The following GRIP2 variants were observed in gnomAD, a reference collection of about 807,000 sequenced individuals.
The protein encoded by GRIP2 is glutamate receptor interacting protein 2, also known as glutamate receptor-interacting protein 2.
A neutral mutation model predicts 108.3 loss-of-function variants in GRIP2; 58 were observed. That is an observed-to-expected ratio of 0.54 (90% CI 0.43 to 0.67). GRIP2 has a LOEUF of 0.67. Among genes scored for constraint, GRIP2 ranks in the 30% least tolerant of loss-of-function variants. The pLI is 0.00. For synonymous variants in GRIP2, 586 were observed against 598.2 expected, an observed-to-expected ratio of 0.98 and a Z score of 0.30; for missense variants, 1,278 against 1,430.6, an observed-to-expected ratio of 0.89 and a Z score of 1.72.
chr3:14,522,622 A>G lies in GRIP2; in HGVS notation c.566+378T>C, dbSNP rs1301138656. The G allele has an allele frequency of 3.5e-5, 7 of 200,930 alleles. No homozygotes were observed. Among genetic ancestry groups the G allele is most frequent in the African/African-American group, 9.4e-5 (4 of 42,412 alleles). The allele number at this position is 200,930 out of a possible 1,614,324, so 12.4% of individuals were successfully genotyped here. ...CTGGGTCGATCAGCCAGGACCCAGG[A>G]GACTGAGTCACAGACGGCTACAGCA... On this transcript the variant is annotated intron_variant, in intron 6 of 23. Coordinates refer to ENST00000621039, the MANE Select transcript of GRIP2 (RefSeq NM_001080423.4). The surrounding 1 kb of genome is among the most constrained non-coding windows in gnomAD (Gnocchi z 4.3).
the GRIP2 span, among the ~76,000 whole-genome samples, chr3:14,601,845 C>A: frequency 6.6e-6 from 1 of 152,192 alleles, no homozygotes; most frequent in African/African-American, 2.4e-5. Context: ...GGGGGGCAGA[C>A]TGGAAGAAGG....
upstream of GRIP2, among the ~76,000 whole-genome samples, chr3:14,546,039 G>T (rs985858159): frequency 3.2e-4 from 49 of 152,338 alleles, no homozygotes; most frequent in Admixed American, 1.2e-3. Flanking sequence ...AGAATACAAG[G>T]CAGGTGGTCA....
chr3:14,540,476 G>A (rs995570590), upstream of GRIP2: 2 of 1,486,940 alleles, frequency 1.3e-6, no homozygotes, highest in Non-Finnish European at 1.8e-6. This position sits in a 1 kb window ranked among gnomAD's most constrained non-coding sequence, Gnocchi z 4.1. Context: ...AAGGGGACAT[G>A]GCTATTGTCA....
chr3:14,550,118 G>T (rs2124977286), intron 1 of GRIP2, among the ~76,000 whole-genome samples: 1 of 152,304 alleles, frequency 6.6e-6, no homozygotes, highest in South Asian at 2.1e-4. Flanking sequence ...CTTGACCCTG[G>T]GATTTCCAGG....
chr3:14,511,506 A>T lies in GRIP2; in HGVS notation c.1721-27T>A. On this transcript the variant is annotated intron_variant, in intron 14 of 23. Transcript: ENST00000621039. The surrounding 1 kb of genome is among the most constrained non-coding windows in gnomAD (Gnocchi z 4.1). ...TGGAGAAAAAGAGGCCATGAATCTG[A>T]CCTTGGTGGCCTCAGCCTGGGGTGG... 1 of 1,610,720 alleles carries T rather than the reference A, an allele frequency of 6.2e-7. No individual in the cohort carries two copies. Among genetic ancestry groups the T allele is most frequent in the Non-Finnish European group, 8.5e-7 (1 of 1,178,992 alleles).
chr3:14,552,636 T>C (rs200734465), intron 1 of GRIP2, among the ~76,000 whole-genome samples: 137 of 32,814 alleles, frequency 4.2e-3, no homozygotes, highest in East Asian at 0.025. Flanking sequence ...CTCTCTCTCT[T>C]TTTTTTTTTT....
intron 5 of GRIP2, 130 bp from the exon 6 acceptor site, chr3:14,523,205 C>A: frequency 1.4e-6 from 1 of 694,754 alleles, no homozygotes; most frequent in South Asian, 1.8e-5. Flanking sequence ...ATCCATGGAC[C>A]CTCTTATGAG....
chr3:14,572,675 G>C, the GRIP2 span, among the ~76,000 whole-genome samples: 1 of 148,106 alleles, frequency 6.8e-6, no homozygotes, highest in South Asian at 2.2e-4. Context: ...TATAATAAAT[G>C]CCCAGCAGTA....
At chr3:14,544,788 G>A (rs1180607207), upstream of GRIP2, among the ~76,000 whole-genome samples, 6 of 152,268 alleles carry the variant, frequency 3.9e-5, no homozygotes, top group African/African-American at 7.2e-5. Flanking sequence ...AGGCATTATC[G>A]TACCCATTTT....
rs938511927 is a variant in GRIP2, at chr3:14,491,947, C to T, written c.*1718G>A. On this transcript the variant is annotated 3_prime_UTR_variant, in exon 24 of 24. Coordinates refer to ENST00000621039, the MANE Select transcript of GRIP2 (RefSeq NM_001080423.4). ...CCAAGATAGCAGAGGCGCTGAGCAC[C>T]CCAGGCACAAGCATGCAGGGCCCTC... 5.9e-5 allele frequency: 9 copies of T among 152,444 alleles called. No individual in the cohort carries two copies. The highest frequency in any genetic ancestry group is 2.2e-4 in the African/African-American group (9 of 41,454). The allele number at this position is 152,444 out of a possible 1,614,324, so 9.4% of individuals were successfully genotyped here. A position where few individuals can be genotyped will look rare whatever the true frequency, so the allele number is the denominator to read the frequency against.
chr3:14,538,136 C>T (rs1037482606), intron 1 of GRIP2, among the ~76,000 whole-genome samples: 1 of 152,184 alleles, frequency 6.6e-6, no homozygotes, highest in African/African-American at 2.4e-5. Context: ...CATAGGGCTG[C>T]CTGGTCCACA....
upstream of GRIP2, among the ~76,000 whole-genome samples, chr3:14,544,936 T>A (rs549405559): frequency 6.6e-6 from 1 of 152,290 alleles, no homozygotes; most frequent in African/African-American, 2.4e-5. Flanking sequence ...CCAGCCCTCA[T>A]GGCCCCTCAC....
rs778106013 is a variant in GRIP2, at chr3:14,521,702, T to C, written c.652A>G (p.Thr218Ala). ...GCCTCGTGGCTGCACTGCCGCAGGG[T>C]GGCCAGGGCGGTGGCATGGCTGGCC... is the stretch of plus-strand genomic sequence containing the variant. ...HGASHATALA[T>A]LRQCSHEALF... is the part of the protein sequence containing the mutation. The change falls in exon 7 of 24, where the codon ACC becomes GCC. Residue 218 changes from threonine to alanine, a missense_variant. Physicochemically the swap from Thr to Ala is moderately conservative, Grantham distance 58 (BLOSUM62 0). Coordinates refer to ENST00000621039, the MANE Select transcript of GRIP2 (RefSeq NM_001080423.4). This position sits in a 1 kb window ranked among gnomAD's most constrained non-coding sequence, Gnocchi z 5.1. 6.2e-7 allele frequency: 1 copy of C among 1,611,446 alleles called. No individual in the cohort carries two copies. Among genetic ancestry groups the C allele is most frequent in the Non-Finnish European group, 8.5e-7 (1 of 1,179,124 alleles).
At position 14,494,920 on chromosome 3, in the gene GRIP2, C is replaced by G; in HGVS notation, c.2893G>C (p.Gly965Arg). The G allele has an allele frequency of 6.2e-7, 1 of 1,613,916 alleles. No homozygotes were observed. Among genetic ancestry groups the G allele is most frequent in the Non-Finnish European group, 8.5e-7 (1 of 1,179,846 alleles). ...GGGCGCACAGTGTGGACATAGACAC[C>G]TTTTTCCAGGAGGCCATCTGAGACG... is the stretch of plus-strand genomic sequence containing the variant. ...FSVSDGLLEKGVYVHTVRPDG... is the reference protein window; with the variant it reads ...FSVSDGLLEKRVYVHTVRPDG... Residue 965 changes from glycine to arginine, a missense_variant, in exon 23 of 24, where the codon GGT (glycine) becomes CGT (arginine). By Grantham distance (125) the Gly-to-Arg change is moderately radical. Transcript: ENST00000621039.
Position 14,511,332 on chromosome 3 carries a change from G to C in GRIP2, c.1788-22C>G. 1.2e-6 allele frequency: 2 copies of C among 1,613,962 alleles called. No homozygotes were observed. The highest frequency in any genetic ancestry group is 1.7e-6 in the Non-Finnish European group (2 of 1,179,874). On this transcript the variant is annotated intron_variant, in intron 15 of 23. Coordinates refer to ENST00000621039, the MANE Select transcript of GRIP2 (RefSeq NM_001080423.4). This position sits in a 1 kb window ranked among gnomAD's most constrained non-coding sequence, Gnocchi z 4.1. Reference sequence around the variant, plus strand: ...CGTCCTGCATGAGTCGGGGGCAGAGGGGATGGAAGGAGCCTGGTGCATGCA... The same window carrying C: ...CGTCCTGCATGAGTCGGGGGCAGAGCGGATGGAAGGAGCCTGGTGCATGCA...
intron 1 of GRIP2, among the ~76,000 whole-genome samples, chr3:14,550,963 G>A (rs1435211739): frequency 2.6e-5 from 4 of 152,166 alleles, no homozygotes; most frequent in Admixed American, 2.0e-4. Flanking sequence ...CATCACCTCG[G>A]CCAAGATAGC....
chr3:14,583,098 AG>A, the GRIP2 span, among the ~76,000 whole-genome samples: 1 of 152,196 alleles, frequency 6.6e-6, no homozygotes, highest in Admixed American at 6.5e-5. Flanking sequence ...CTCACTCCAT[AG>A]GTTGTCATTG....
the GRIP2 span, among the ~76,000 whole-genome samples, chr3:14,577,303 A>G: frequency 6.6e-6 from 1 of 152,262 alleles, no homozygotes; most frequent in Admixed American, 6.5e-5. Context: ...GAGAAATAGA[A>G]AAATGTTTGT....
At chr3:14,531,651 T>C (rs1468869011) in intron 1 of GRIP2, among the ~76,000 whole-genome samples, 1 of 152,148 alleles carries the variant, frequency 6.6e-6, no homozygotes, top group Non-Finnish European at 1.5e-5. Context: ...AGGAGGTAGG[T>C]GCTGCGATCA....
Sources: allele counts gnomAD v4.1 joint callset (sites outside exome capture counted in the v4.1 genomes callset), GRCh38; gene constraint gnomAD v4.1.1; non-coding constraint Gnocchi (gnomAD v3.1); transcripts MANE v1.5; gene names NCBI Gene and HGNC (gene_info 2026-07-23, HGNC 2026-07-21).